Variants in AGAP1 observed in about 807,000 individuals in gnomAD.
AGAP1 encodes the protein arf-GAP with GTPase, ANK repeat and PH domain-containing protein 1.
Under a neutral mutation model 105.3 loss-of-function variants are expected in AGAP1, and 29 were observed. The ratio of observed to expected loss-of-function variants is 0.28; its 90% CI spans 0.21 to 0.38. The LOEUF is 0.38. Among genes scored for constraint, AGAP1 ranks in the 10% least tolerant of loss-of-function variants. AGAP1 has a pLI of 1.00. For synonymous variants in AGAP1, 509 were observed against 485.9 expected, an observed-to-expected ratio of 1.05 and a Z score of -0.63; for missense variants, 998 against 1,165.1, an observed-to-expected ratio of 0.86 and a Z score of 2.09.
intron 1 of AGAP1, among the ~76,000 whole-genome samples, chr2:235,656,730 A>G (rs1172367274): frequency 6.6e-6 from 1 of 152,336 alleles, no homozygotes; most frequent in East Asian, 1.9e-4. Flanking sequence ...CCATTGCTCC[A>G]TCTGTAAGGG....
chr2:235,552,196 C>G lies in AGAP1; in HGVS notation c.163+57347C>G, dbSNP rs1943836918. Among the ~76,000 whole-genome samples the G allele has an allele frequency of 6.6e-6, 1 of 152,150 alleles. No homozygotes were observed. The highest frequency in any genetic ancestry group is 1.5e-5 in the Non-Finnish European group (1 of 68,042). On this transcript the variant is annotated intron_variant, in intron 1 of 17. Transcript: ENST00000304032. The surrounding 1 kb of genome is among the most constrained non-coding windows in gnomAD (Gnocchi z 5.9). ...GCCCCGTAACTCTGGCCGCGGTAGT[C>G]TGGACAGGGCTTCTGAGAACCACCT...
chr2:235,711,201 A>G (rs1427713784), intron 2 of AGAP1, among the ~76,000 whole-genome samples: 1 of 152,244 alleles, frequency 6.6e-6, no homozygotes, highest in Non-Finnish European at 1.5e-5. Flanking sequence ...CAGTGCCATC[A>G]AGGAGCTGCA....
In AGAP1 at chr2:235,901,642, AG is replaced by A. The variant is rs1412359173; in HGVS notation, c.1156-7094del. Reference sequence around the variant, plus strand: ...ACACCTGTAATCCCAGCACTTTGGGAGGCCAAGGCGGGTGGGTCACCTGAAG... The same window carrying A: ...ACACCTGTAATCCCAGCACTTTGGGAGCCAAGGCGGGTGGGTCACCTGAAG... On this transcript the variant is annotated intron_variant, in intron 10 of 17. Coordinates refer to ENST00000304032, the MANE Select transcript of AGAP1 (RefSeq NM_001037131.3). This position sits in a 1 kb window ranked among gnomAD's most constrained non-coding sequence, Gnocchi z 4.3. Among the ~76,000 whole-genome samples, 1 of 152,124 alleles carries A rather than the reference AG, an allele frequency of 6.6e-6. No homozygotes were observed. Among genetic ancestry groups the A allele is most frequent in the African/African-American group, 2.4e-5 (1 of 41,414 alleles).
chr2:235,862,177 A>C (rs1250305800), intron 9 of AGAP1, among the ~76,000 whole-genome samples: 1 of 152,170 alleles, frequency 6.6e-6, no homozygotes, highest in Non-Finnish European at 1.5e-5. Context: ...GGCTCCGTGC[A>C]CGTGCAGCCC....
chr2:235,941,586 T>C (rs1341481533), intron 12 of AGAP1, among the ~76,000 whole-genome samples: 1 of 152,138 alleles, frequency 6.6e-6, no homozygotes, highest in African/African-American at 2.4e-5. Context: ...CATGCATGAG[T>C]GTGCGAATTC....
Position 235,700,635 on chromosome 2 carries a change from A to G in AGAP1, c.164-8544A>G, listed in dbSNP as rs1281113728. ...GGGAACATGGCGAAACCCCGTCTCT[A>G]CTGAAAATACAAAAATTAGCCAGGC... is the stretch of plus-strand genomic sequence containing the variant. On this transcript the variant is annotated intron_variant, in intron 1 of 17. Transcript: ENST00000304032. This position sits in a 1 kb window ranked among gnomAD's most constrained non-coding sequence, Gnocchi z 6.1. 6.6e-6 allele frequency among the ~76,000 whole-genome samples: 1 copy of G among 152,056 alleles called. No individual in the cohort carries two copies. Among genetic ancestry groups the G allele is most frequent in the Non-Finnish European group, 1.5e-5 (1 of 68,018 alleles).
rs191932994 is a variant in AGAP1, at chr2:235,728,825, T to C, written c.310+11181T>C. On this transcript the variant is annotated intron_variant, in intron 3 of 17. Transcript: ENST00000304032. The surrounding 1 kb of genome is among the most constrained non-coding windows in gnomAD (Gnocchi z 4.3). ...AGGAGGGGAAGCCAGCCTGCAGCAT[T>C]GCCCTCTAGACACTAAGAAGAAGGG... 2.3e-3 allele frequency among the ~76,000 whole-genome samples: 354 copies of C among 152,228 alleles called. 4 individuals carry two copies. Among genetic ancestry groups the C allele is most frequent in the East Asian group, 0.02 (105 of 5,176 alleles).
chr2:235,622,083 CTTG>C lies in AGAP1; in HGVS notation c.164-87091_164-87089del, dbSNP rs926507078. Among the ~76,000 whole-genome samples the C allele has an allele frequency of 1.3e-5, 2 of 152,162 alleles. No homozygotes were observed. The highest frequency in any genetic ancestry group is 1.3e-4 in the Admixed American group (2 of 15,274). On this transcript the variant is annotated intron_variant, in intron 1 of 17. Transcript: ENST00000304032. The surrounding 1 kb of genome is among the most constrained non-coding windows in gnomAD (Gnocchi z 5.0). ...ACACTTTAGAATGCCTTAATCTTTTCTTGTTGTGTTTTGAATAGGTTACATGCA... is the reference window on the plus strand; with the variant it reads ...ACACTTTAGAATGCCTTAATCTTTTCTTGTGTTTTGAATAGGTTACATGCA...
rs548456391 is a variant in AGAP1 at position 235,746,267 on chromosome 2, C to T, written c.538+1428C>T. 4.2e-5 allele frequency among the ~76,000 whole-genome samples: 6 copies of T among 144,322 alleles called. No individual in the cohort carries two copies. The South Asian group carries it at 1.3e-3, about 32-fold the overall frequency. 94.7% of individuals were successfully genotyped at this position (144,322 alleles called of 152,430 possible). Reference sequence around the variant, plus strand: ...TGCCACTGCACTCCAGCCTGGTAGACAGAGGGAGACTCCATCTCAAGGGAA... The same window carrying T: ...TGCCACTGCACTCCAGCCTGGTAGATAGAGGGAGACTCCATCTCAAGGGAA... On this transcript the variant is annotated intron_variant, in intron 5 of 17. Transcript: ENST00000304032.
Position 235,620,557 on chromosome 2 carries a change from C to T in AGAP1, c.164-88622C>T, listed in dbSNP as rs1326831331. Among the ~76,000 whole-genome samples, 5 of 152,196 alleles carry T rather than the reference C, an allele frequency of 3.3e-5. No individual in the cohort carries two copies. Among genetic ancestry groups the T allele is most frequent in the Non-Finnish European group, 7.3e-5 (5 of 68,036 alleles). ...CAGCTTGGCCCTCGCATCCTTCAGC[C>T]TCACCTCCAGTGTCATTGAGGACCC... is the stretch of plus-strand genomic sequence containing the variant. On this transcript the variant is annotated intron_variant, in intron 1 of 17. Transcript: ENST00000304032. The surrounding 1 kb of genome is among the most constrained non-coding windows in gnomAD (Gnocchi z 4.5).
At chr2:235,651,018 A>G (rs1947565616) in intron 1 of AGAP1, among the ~76,000 whole-genome samples, 1 of 151,832 alleles carries the variant, frequency 6.6e-6, no homozygotes, top group Admixed American at 6.6e-5. Context: ...GGTCTCTCTT[A>G]AAAATATAAA....
At chr2:236,063,412 G>A (rs1444232320) in intron 16 of AGAP1, among the ~76,000 whole-genome samples, 1 of 152,118 alleles carries the variant, frequency 6.6e-6, no homozygotes, top group African/African-American at 2.4e-5. Context: ...AAGTGAATGT[G>A]GGGTGTGGGA....
intron 1 of AGAP1, among the ~76,000 whole-genome samples, chr2:235,702,401 C>T (rs764682603): frequency 1.1e-4 from 16 of 152,214 alleles, no homozygotes; most frequent in Non-Finnish European, 2.2e-4. Flanking sequence ...CACCGCTGGA[C>T]AGGAGCTGCC....
intron 16 of AGAP1, among the ~76,000 whole-genome samples, chr2:236,065,290 TTAGGAGTGTC>T (rs1356087490): frequency 6.6e-6 from 1 of 152,180 alleles, no homozygotes. Context: ...TGGCTTTGAG[TTAGGAGTGTC>T]GGTGGTGGTG....
chr2:235,897,548 C>T (rs1575726719), intron 10 of AGAP1, among the ~76,000 whole-genome samples: 2 of 152,170 alleles, frequency 1.3e-5, no homozygotes, highest in Non-Finnish European at 2.9e-5. Context: ...CATCGTCCTA[C>T]CAGTATGCCG....
chr2:235,582,321 TG>T lies in AGAP1; in HGVS notation c.163+87474del. ...GCCGAGGTGGTGTGGCTCTTTGTGC[TG>T]GCATTTAGGGTGTCACTAAAGCCCA... On this transcript the variant is annotated intron_variant, in intron 1 of 17. Transcript: ENST00000304032. The surrounding 1 kb of genome is among the most constrained non-coding windows in gnomAD (Gnocchi z 4.7). 6.6e-6 allele frequency among the ~76,000 whole-genome samples: 1 copy of T among 152,320 alleles called. No individual in the cohort carries two copies. Among genetic ancestry groups the T allele is most frequent in the Non-Finnish European group, 1.5e-5 (1 of 68,026 alleles).
At chr2:235,545,918 AAGGCAGGG>A (rs1485877463) in intron 1 of AGAP1, among the ~76,000 whole-genome samples, 1 of 152,198 alleles carries the variant, frequency 6.6e-6, no homozygotes, top group Non-Finnish European at 1.5e-5. Context: ...TCTGAGCATG[AAGGCAGGG>A]AGGGTCCCCT....
chr2:235,708,738 G>A (rs1950673749), intron 1 of AGAP1, among the ~76,000 whole-genome samples: 1 of 152,144 alleles, frequency 6.6e-6, no homozygotes, highest in Non-Finnish European at 1.5e-5. Flanking sequence ...TCAGAAAAAT[G>A]ACTATTGTAG....
chr2:235,975,373 TG>T lies in AGAP1; in HGVS notation c.1645+6753del, dbSNP rs559501916. The stretch of plus-strand genomic sequence containing the variant: ...TTTTTTCTTGCAGGAAAGCAATACG[TG>T]GGTGCGTGGAAGCTCTCAGTTAATC... On this transcript the variant is annotated intron_variant, in intron 13 of 17. Transcript: ENST00000304032. Among the ~76,000 whole-genome samples, 32 of 152,234 alleles carry T rather than the reference TG, an allele frequency of 2.1e-4. 1 individual carries two copies. The South Asian group carries it at 6.4e-3, about 31-fold the overall frequency.
Sources: allele counts gnomAD v4.1 joint callset (sites outside exome capture counted in the v4.1 genomes callset), GRCh38; gene constraint gnomAD v4.1.1; non-coding constraint Gnocchi (gnomAD v3.1); transcripts MANE v1.5; gene names NCBI Gene and HGNC (gene_info 2026-07-23, HGNC 2026-07-21).